The following ART3 variants were observed in gnomAD, a reference collection of about 807,000 sequenced individuals.
ART3 encodes ADP-ribosyltransferase 3 (inactive), also known as ecto-ADP-ribosyltransferase 3.
In ART3, 49 loss-of-function variants were observed where a neutral mutation model predicts 48.5. The ratio of observed to expected loss-of-function variants is 1.01; its 90% CI spans 0.80 to 1.28. The LOEUF is 1.28. Ranked by LOEUF, ART3 falls within the 50% of genes most tolerant of loss-of-function variation. ART3 has a pLI of 0.00. For synonymous variants in ART3, 145 were observed against 157.2 expected (o/e 0.92, Z 0.58); for missense variants, 438 against 454.3 (o/e 0.96, Z 0.33).
chr4:76,022,103 A>G (rs890185678), intron 1 of ART3, among the ~76,000 whole-genome samples: 1 of 152,200 alleles, frequency 6.6e-6, no homozygotes, highest in Non-Finnish European at 1.5e-5. Context: ...TTTTTCAACC[A>G]TGAAAGACTT....
At chr4:76,088,001 A>G (rs1723980282) in intron 3 of ART3, among the ~76,000 whole-genome samples, 1 of 152,112 alleles carries the variant, frequency 6.6e-6, no homozygotes, top group Non-Finnish European at 1.5e-5. Context: ...GGCTGAGGCA[A>G]GAGGATCCCT....
chr4:76,108,065 TATAAA>T (rs1266884116), intron 11 of ART3, among the ~76,000 whole-genome samples: 1 of 149,992 alleles, frequency 6.7e-6, no homozygotes, highest in African/African-American at 2.4e-5. Context: ...GGGAGCAAAA[TATAAA>T]AATAAAAAAG....
At chr4:76,043,918 C>T (rs1735241808) in intron 1 of ART3, among the ~76,000 whole-genome samples, 1 of 152,132 alleles carries the variant, frequency 6.6e-6, no homozygotes, top group South Asian at 2.1e-4. Context: ...CTAGCTACTT[C>T]CTGCTGGATA....
At chr4:76,022,433 C>G (rs995105076) in intron 1 of ART3, 1 of 1,613,230 alleles carries the variant, frequency 6.2e-7, no homozygotes, top group Non-Finnish European at 8.5e-7. Context: ...CATCTCTTCT[C>G]ACCCTTCTTT....
At chr4:76,067,755 G>A (rs1719885392) in intron 1 of ART3, among the ~76,000 whole-genome samples, 1 of 152,236 alleles carries the variant, frequency 6.6e-6, no homozygotes, top group Non-Finnish European at 1.5e-5. Flanking sequence ...AAAGTTGAAA[G>A]TTTTCTTTGA....
intron 1 of ART3, among the ~76,000 whole-genome samples, chr4:76,049,409 A>C (rs1038885056): frequency 6.6e-6 from 1 of 151,870 alleles, no homozygotes; most frequent in Admixed American, 6.6e-5. Flanking sequence ...AGGGTCAGCC[A>C]ACATGTTGTC....
chr4:76,046,552 C>T lies in ART3; in HGVS notation c.-9-29329C>T, dbSNP rs186534804. ...GCCTTAAGGGATATTGCCTTTGATA[C>T]GGAAAAGTGGTGGGATCTTTTAACC... On this transcript the variant is annotated intron_variant, in intron 1 of 9. Transcript: ENST00000341029. Among the ~76,000 whole-genome samples the T allele has an allele frequency of 2.8e-4, 42 of 152,022 alleles. 2 individuals are homozygous for T. The highest frequency in any genetic ancestry group is 6.7e-4 in the African/African-American group (28 of 41,506).
intron 1 of ART3, among the ~76,000 whole-genome samples, chr4:76,062,381 T>C (rs927304181): frequency 7.9e-5 from 12 of 152,182 alleles, no homozygotes; most frequent in African/African-American, 2.9e-4. Flanking sequence ...TTATGAGAAC[T>C]ATACAGTTTA....
intron 1 of ART3, among the ~76,000 whole-genome samples, chr4:76,069,482 C>G (rs989841391): frequency 6.7e-6 from 1 of 149,672 alleles, no homozygotes; most frequent in East Asian, 2.0e-4. Flanking sequence ...CTTCACCTTC[C>G]GGGTTCAAGC....
chr4:76,085,512 T>C (rs1227167277), intron 3 of ART3, among the ~76,000 whole-genome samples: 1 of 152,190 alleles, frequency 6.6e-6, no homozygotes, highest in Admixed American at 6.5e-5. Context: ...TCTAGGCACC[T>C]TATTTGCCTC....
At chr4:76,100,705 A>G (rs992999037) in intron 6 of ART3, 90 bp from the exon 7 acceptor site, 43 of 1,423,536 alleles carry the variant, frequency 3.0e-5, no homozygotes, top group Non-Finnish European at 4.1e-5. Flanking sequence ...ATATTTTCAT[A>G]TTTCTTGCAA....
At position 76,025,978 on chromosome 4, in the gene ART3, A is replaced by G. The variant is rs117522593; in HGVS notation, c.-10+14658A>G. Among the ~76,000 whole-genome samples, 34 of 152,220 alleles carry G rather than the reference A, an allele frequency of 2.2e-4. 2 individuals carry two copies. In the East Asian group the frequency reaches 6.6e-3, roughly 29 times the overall value. On this transcript the variant is annotated intron_variant, in intron 1 of 9. Transcript: ENST00000341029. ...AAGTGATCACGTCACTCTTCTGCTT[A>G]AGACCTCAAACAACTTCCAGTTAGA...
chr4:76,104,716 TC>T, intron 10 of ART3, 87 bp downstream of exon 10: 1 of 1,436,816 alleles, frequency 7.0e-7, no homozygotes, highest in Non-Finnish European at 9.5e-7. Context: ...TTTCTATGCC[TC>T]ATAATTGTCA....
chr4:76,091,100 G>C (rs183492401), intron 3 of ART3, among the ~76,000 whole-genome samples: 3 of 152,292 alleles, frequency 2.0e-5, no homozygotes, highest in Non-Finnish European at 2.9e-5. Flanking sequence ...TATTTATGCT[G>C]TTGTAGAATA....
At chr4:76,111,116 A>C (rs562604217) in intron 11 of ART3, among the ~76,000 whole-genome samples, 1 of 152,332 alleles carries the variant, frequency 6.6e-6, no homozygotes, top group African/African-American at 2.4e-5. Flanking sequence ...TATTGCAGTG[A>C]GTTCAAATGT....
intron 9 of ART3, chr4:76,104,291 C>T (rs1727988316): frequency 3.2e-6 from 3 of 932,342 alleles, no homozygotes; most frequent in South Asian, 4.9e-5. Flanking sequence ...TAGAAACCTA[C>T]CTTTACGCAC....
intron 1 of ART3, among the ~76,000 whole-genome samples, chr4:76,048,031 T>C (rs1326696783): frequency 1.3e-5 from 2 of 151,920 alleles, no homozygotes; most frequent in Non-Finnish European, 2.9e-5. Context: ...ACATAACCTA[T>C]AGCCCAGGGG....
intron 3 of ART3, among the ~76,000 whole-genome samples, chr4:76,086,804 A>G (rs1006774869): frequency 5.9e-5 from 9 of 152,204 alleles, no homozygotes; most frequent in African/African-American, 2.2e-4. Flanking sequence ...AGCTGGGGCC[A>G]GTTTAGACGA....
intron 1 of ART3, among the ~76,000 whole-genome samples, chr4:76,044,267 G>A (rs565682231): frequency 9.2e-5 from 14 of 152,036 alleles, no homozygotes; most frequent in South Asian, 2.1e-4. Context: ...TGTAAACGCC[G>A]GGCGGCATCT....
Sources: gnomAD v4.1 joint callset for allele counts (sites outside exome capture counted in the v4.1 genomes callset) on GRCh38, gnomAD v4.1.1 for gene constraint, MANE v1.5 for transcripts, NCBI Gene and HGNC (gene_info 2026-07-23, HGNC 2026-07-21) for gene names.